Variants in POLR1C observed in about 807,000 individuals in gnomAD.
The protein encoded by POLR1C is RNA polymerase I and III subunit C.
Under a neutral mutation model 38.3 loss-of-function variants are expected in POLR1C, and 42 were observed. That is an observed-to-expected ratio of 1.10 (90% CI 0.86 to 1.42). The LOEUF (loss-of-function observed/expected upper bound fraction) is 1.42. Ranked by LOEUF, POLR1C falls within the 40% of genes most tolerant of loss-of-function variation. The pLI is 0.00. For synonymous variants in POLR1C, 163 were observed against 163.9 expected (o/e 0.99, Z 0.04); for missense variants, 507 against 450.5 (o/e 1.13, Z -1.14).
chr6:43,539,166 CGG>C, intron 9 of POLR1C: 1 of 1,097,932 alleles, frequency 9.1e-7, no homozygotes, highest in Non-Finnish European at 1.3e-6. Context: ...TTGCAGGGGA[CGG>C]TGTGGGGCTT....
At chr6:43,538,322 T>A (rs925031748) in intron 9 of POLR1C, among the ~76,000 whole-genome samples, 60 of 151,782 alleles carry the variant, frequency 4.0e-4, no homozygotes, top group African/African-American at 1.1e-3. Context: ...GTTACTTTTT[T>A]AAATTTTTAG....
At chr6:43,521,855 T>C (rs1793209478), downstream of POLR1C, among the ~76,000 whole-genome samples, 1 of 151,990 alleles carries the variant, frequency 6.6e-6, no homozygotes, top group African/African-American at 2.4e-5. Flanking sequence ...TCAGAACTGG[T>C]TTAGCATTTA....
At chr6:43,541,425 C>T (rs1173596771) in intron 9 of POLR1C, among the ~76,000 whole-genome samples, 1 of 152,118 alleles carries the variant, frequency 6.6e-6, no homozygotes, top group Non-Finnish European at 1.5e-5. Flanking sequence ...AAAAAACTAA[C>T]AAAAAACATC....
chr6:43,529,626 A>G (rs577339860), downstream of POLR1C: 3 of 167,894 alleles, frequency 1.8e-5, no homozygotes, highest in Non-Finnish European at 3.9e-5. Flanking sequence ...TGAAGTGTTA[A>G]AACTGCTGCT....
At chr6:43,559,410 C>G (rs1436025229) in intron 10 of POLR1C, among the ~76,000 whole-genome samples, 2 of 152,244 alleles carry the variant, frequency 1.3e-5, no homozygotes, top group African/African-American at 4.8e-5. Context: ...GATTAACAAT[C>G]TGTCAACTGC....
chr6:43,525,634 C>T, downstream of POLR1C: 2 of 584,338 alleles, frequency 3.4e-6, no homozygotes, highest in Admixed American at 3.2e-5. Flanking sequence ...ATGTGTTTTC[C>T]TGAGAGCTCC....
At position 43,528,807 on chromosome 6, in the gene POLR1C, T is replaced by C. The variant is rs1203043863; in HGVS notation, c.923-442T>C. 3 of 1,609,620 alleles carry C rather than the reference T, an allele frequency of 1.9e-6. No homozygotes were observed. In the African/African-American group the frequency reaches 4.0e-5, roughly 22 times the overall value. ...GGCCTTAATAGTACTCTTTGCTTCC[T>C]GTTCCTGACTTATCTCTTACCATAT... On this transcript the variant is annotated intron_variant, in intron 8 of 8. Transcript: ENST00000304004.
chr6:43,555,774 C>G, intron 10 of POLR1C: 1 of 1,599,618 alleles, frequency 6.3e-7, no homozygotes, highest in East Asian at 2.2e-5. Context: ...GGCTCATTTC[C>G]TATATATAGT....
chr6:43,548,312 T>C, intron 9 of POLR1C: 1 of 1,613,518 alleles, frequency 6.2e-7, no homozygotes, highest in Non-Finnish European at 8.5e-7. Flanking sequence ...CATCAGCTCC[T>C]CTAGGAACAC....
intron 9 of POLR1C, chr6:43,547,777 T>A: frequency 7.3e-7 from 1 of 1,370,242 alleles, no homozygotes; most frequent in Non-Finnish European, 1.0e-6. Context: ...CCACAGGAGT[T>A]AACAGGCTAT....
chr6:43,527,792 A>G, intron 8 of POLR1C: 1 of 1,576,124 alleles, frequency 6.3e-7, no homozygotes, highest in East Asian at 2.2e-5. Flanking sequence ...CAAGGAAAGC[A>G]GCGACCCTAA....
chr6:43,530,945 A>T (rs1793934769), downstream of POLR1C: 10 of 1,292,878 alleles, frequency 7.7e-6, no homozygotes, highest in South Asian at 1.3e-4. Flanking sequence ...GAGCAGTTGT[A>T]TTTACTTAAG....
downstream of POLR1C, chr6:43,526,092 T>C (rs1259021245): frequency 3.2e-6 from 2 of 629,046 alleles, no homozygotes; most frequent in East Asian, 2.8e-5. Flanking sequence ...CCATGGCTGA[T>C]CTTCTAGAGA....
intron 6 of POLR1C, 36 bp from the exon 7 acceptor site, chr6:43,520,589 G>T (rs1793107135): frequency 6.2e-7 from 1 of 1,613,760 alleles, no homozygotes; most frequent in African/African-American, 1.3e-5. Flanking sequence ...AACCCTAGAA[G>T]GGTTTCCTAT....
At chr6:43,541,115 G>C (rs762570088) in intron 9 of POLR1C, among the ~76,000 whole-genome samples, 6 of 152,082 alleles carry the variant, frequency 3.9e-5, no homozygotes, top group Non-Finnish European at 7.4e-5. Context: ...GAGGGTAGTG[G>C]TGGGTTAGGG....
rs1795354292 is a variant in POLR1C, at chr6:43,553,510, AACACACACACACACATAC to A, written c.*48+2515_*48+2532del. ...GTTCCAACTGCAGAACAAGCTTTAA[AACACACACACACACATAC>A]ACACACACACACACACACACAATTA... On this transcript the variant is annotated intron_variant, in intron 10 of 10. Coordinates refer to the POLR1C transcript ENST00000607635. 5.3e-6 allele frequency: 8 copies of A among 1,503,516 alleles called. No individual in the cohort carries two copies. In the Admixed American group the frequency reaches 6.1e-5, roughly 12 times the overall value. The allele number at this position is 1,503,516 out of a possible 1,614,324, so 93.1% of individuals were successfully genotyped here.
At chr6:43,521,817 G>A (rs901717502), downstream of POLR1C, among the ~76,000 whole-genome samples, 7 of 152,278 alleles carry the variant, frequency 4.6e-5, no homozygotes, top group East Asian at 7.7e-4. Context: ...ACAGGTGTGA[G>A]CCACCGCGAA....
intron 9 of POLR1C, among the ~76,000 whole-genome samples, chr6:43,536,758 T>TTA (rs1363285984): frequency 2.6e-4 from 5 of 19,082 alleles, no homozygotes; most frequent in Non-Finnish European, 3.4e-4. Context: ...AGACTCTATC[T>TTA]AAAAAAAAAA....
chr6:43,558,732 A>G, intron 10 of POLR1C: 1 of 615,590 alleles, frequency 1.6e-6, no homozygotes, highest in Non-Finnish European at 2.7e-6. Context: ...TATCCACTTC[A>G]GTTCTATCAC....
Sources: gnomAD v4.1 joint callset for allele counts (sites outside exome capture counted in the v4.1 genomes callset) on GRCh38, gnomAD v4.1.1 for gene constraint, MANE v1.5 for transcripts, NCBI Gene and HGNC (gene_info 2026-07-23, HGNC 2026-07-21) for gene names.